Variants in TNFAIP8 observed in about 807,000 individuals in gnomAD.
The protein encoded by TNFAIP8 is tumor necrosis factor alpha-induced protein 8.
TNFAIP8 carries 7 observed loss-of-function variants against 13.3 expected under a neutral mutation model. The observed-to-expected ratio is 0.52, with a 90% CI of 0.30 to 0.99. The LOEUF is 0.99. Ranked by LOEUF, TNFAIP8 falls within the 50% of genes least tolerant of loss-of-function variation. The pLI, the probability that TNFAIP8 is intolerant of heterozygous loss-of-function variation, is 0.07. For synonymous variants in TNFAIP8, 94 were observed against 87.6 expected (o/e 1.07, Z -0.41); for missense variants, 258 against 236.9 (o/e 1.09, Z -0.58).
At chr5:119,301,033 A>G (rs1274174952) in intron 1 of TNFAIP8, among the ~76,000 whole-genome samples, 1 of 152,190 alleles carries the variant, frequency 6.6e-6, no homozygotes, top group African/African-American at 2.4e-5. Flanking sequence ...GTTGTTTGCA[A>G]TTCAGAATTC....
chr5:119,306,787 T>G (rs113542608), intron 1 of TNFAIP8, among the ~76,000 whole-genome samples: 10 of 152,300 alleles, frequency 6.6e-5, no homozygotes, highest in East Asian at 3.9e-4. Flanking sequence ...TTGGTTGGTT[T>G]GTTTCAGAAG....
chr5:119,379,057 T>G (rs1752387892), intron 1 of TNFAIP8, among the ~76,000 whole-genome samples: 1 of 152,212 alleles, frequency 6.6e-6, no homozygotes, highest in Non-Finnish European at 1.5e-5. Context: ...AGTGAGACAT[T>G]GTCTTTTAAA....
At chr5:119,361,632 C>G (rs1751640243) in intron 1 of TNFAIP8, among the ~76,000 whole-genome samples, 1 of 152,318 alleles carries the variant, frequency 6.6e-6, no homozygotes, top group South Asian at 2.1e-4. Flanking sequence ...CCTGAAGCCT[C>G]CAGACCACAT....
rs577201926 is a variant in TNFAIP8 at position 119,317,029 on chromosome 5, A to G, written c.1+48122A>G. On this transcript the variant is annotated intron_variant, in intron 1 of 1. Transcript: ENST00000274456. ...GGCTGAAGAAATGCCAGAGCAATGT[A>G]TATGCCTGTTGTGAGGAAATAATAG... Among the ~76,000 whole-genome samples the G allele has an allele frequency of 2.0e-5, 3 of 152,368 alleles. No individual in the cohort carries two copies. In the East Asian group the frequency reaches 5.8e-4, roughly 29 times the overall value.
intron 1 of TNFAIP8, among the ~76,000 whole-genome samples, chr5:119,332,642 C>T (rs1268158576): frequency 6.6e-6 from 1 of 152,064 alleles, no homozygotes; most frequent in African/African-American, 2.4e-5. Flanking sequence ...GCAGTAGGGG[C>T]TAAAGGAAGA....
intron 1 of TNFAIP8, among the ~76,000 whole-genome samples, chr5:119,317,619 G>C (rs948709232): frequency 6.7e-6 from 1 of 149,966 alleles, no homozygotes; most frequent in Admixed American, 6.6e-5. Flanking sequence ...TATTATTTGA[G>C]ATGGAGTCTC....
At chr5:119,296,491 G>A (rs1034591593) in intron 1 of TNFAIP8, among the ~76,000 whole-genome samples, 1 of 152,050 alleles carries the variant, frequency 6.6e-6, no homozygotes, top group Admixed American at 6.6e-5. Flanking sequence ...TGATCTTGGT[G>A]GATAAGCTTT....
In TNFAIP8 at chr5:119,341,782, T is replaced by C. The variant is rs146284422; in HGVS notation, c.2-51034T>C. ...ATGGAAATCTCAATCAAAACAGTTCTGAGTATTTTACATCATTTAAAAAAA... is the reference window on the plus strand; with the variant it reads ...ATGGAAATCTCAATCAAAACAGTTCCGAGTATTTTACATCATTTAAAAAAA... On this transcript the variant is annotated intron_variant, in intron 1 of 1. Coordinates refer to the TNFAIP8 transcript ENST00000274456. Among the ~76,000 whole-genome samples the C allele has an allele frequency of 1.1e-4, 16 of 152,324 alleles. No homozygotes were observed. In the East Asian group the frequency reaches 2.9e-3, roughly 28 times the overall value.
chr5:119,398,691 AAAG>A lies in TNFAIP8; in HGVS notation c.*5313_*5315del, dbSNP rs1753127957. On this transcript the variant is annotated 3_prime_UTR_variant, in exon 2 of 2. Coordinates refer to ENST00000504771, the MANE Select transcript of TNFAIP8 (RefSeq NM_014350.4). ...GTGAGACTTTGTCTCAAAAAAAAAA[AAAG>A]AAACTCTGTCTCGAAGTAAATAAAT... 1 of 152,158 alleles carries A rather than the reference AAAG, an allele frequency of 6.6e-6. No individual in the cohort carries two copies. The highest frequency in any genetic ancestry group is 6.5e-5 in the Admixed American group (1 of 15,280). 9.4% of individuals were successfully genotyped at this position (152,158 alleles called of 1,614,324 possible).
At chr5:119,320,981 C>G (rs1750036885) in intron 1 of TNFAIP8, among the ~76,000 whole-genome samples, 1 of 152,146 alleles carries the variant, frequency 6.6e-6, no homozygotes, top group African/African-American at 2.4e-5. Flanking sequence ...CTCCGGGAGG[C>G]CGAGGTGGGC....
intron 1 of TNFAIP8, among the ~76,000 whole-genome samples, chr5:119,330,935 C>T (rs1750357308): frequency 1.3e-5 from 2 of 152,132 alleles, no homozygotes; most frequent in African/African-American, 4.8e-5. Flanking sequence ...TGCGCTTCTG[C>T]TGCAGAGTTG....
At chr5:119,329,521 C>T (rs777588173) in intron 1 of TNFAIP8, among the ~76,000 whole-genome samples, 2 of 152,138 alleles carry the variant, frequency 1.3e-5, no homozygotes, top group African/African-American at 4.8e-5. Context: ...GGTGTTCTTC[C>T]TATTTTCCAC....
intron 1 of TNFAIP8, among the ~76,000 whole-genome samples, chr5:119,317,419 T>C (rs1183987886): frequency 6.6e-6 from 1 of 152,076 alleles, no homozygotes; most frequent in Non-Finnish European, 1.5e-5. Context: ...CTATGTGCTG[T>C]AGAGACTTTT....
chr5:119,279,610 G>A (rs954190164), intron 1 of TNFAIP8, among the ~76,000 whole-genome samples: 3 of 151,988 alleles, frequency 2.0e-5, no homozygotes, highest in Non-Finnish European at 4.4e-5. Context: ...TTGCTCTGTT[G>A]CCCAGGCTGG....
chr5:119,367,019 T>A (rs1230437066), intron 1 of TNFAIP8, among the ~76,000 whole-genome samples: 6 of 152,156 alleles, frequency 3.9e-5, no homozygotes, highest in Admixed American at 3.9e-4. Context: ...TAAGGGTTAA[T>A]CGGGTAAATT....
chr5:119,324,312 A>AAAG lies in TNFAIP8; in HGVS notation c.1+55412_1+55414dup, dbSNP rs1427892117. The stretch of plus-strand genomic sequence containing the variant: ...AAAAAAAAAAAAAAAAAAAAAAAAA[A>AAAG]AAGAAGAAGTTCCAAGTTCAACATT... On this transcript the variant is annotated intron_variant, in intron 1 of 1. Transcript: ENST00000274456. 9.6e-4 allele frequency among the ~76,000 whole-genome samples: 118 copies of AAAG among 122,356 alleles called. 2 individuals carry two copies. Among genetic ancestry groups the AAAG allele is most frequent in the African/African-American group, 3.7e-3 (105 of 28,216 alleles). 80.3% of individuals were successfully genotyped at this position (122,356 alleles called of 152,430 possible). A position where few individuals can be genotyped will look rare whatever the true frequency, so the allele number is the denominator to read the frequency against.
chr5:119,302,935 C>T lies in TNFAIP8; in HGVS notation c.1+34028C>T, dbSNP rs145934777. Among the ~76,000 whole-genome samples the T allele has an allele frequency of 7.9e-4, 121 of 152,276 alleles. 1 individual carries two copies. Among genetic ancestry groups the T allele is most frequent in the African/African-American group, 2.9e-3 (119 of 41,550 alleles). On this transcript the variant is annotated intron_variant, in intron 1 of 1. Coordinates refer to the TNFAIP8 transcript ENST00000274456. Reference sequence around the variant, plus strand: ...GGAGACATTATTGCGAATTGTTACGCAGTCAGCCATTAGAAGTACAATTTC... The same window carrying T: ...GGAGACATTATTGCGAATTGTTACGTAGTCAGCCATTAGAAGTACAATTTC...
At chr5:119,271,050 C>G (rs756062515) in intron 1 of TNFAIP8, among the ~76,000 whole-genome samples, 14 of 152,152 alleles carry the variant, frequency 9.2e-5, no homozygotes, top group Non-Finnish European at 1.9e-4. Context: ...TAGACATAGT[C>G]TTTGTTTACG....
chr5:119,374,197 T>G (rs906800252), intron 1 of TNFAIP8, among the ~76,000 whole-genome samples: 3 of 152,038 alleles, frequency 2.0e-5, no homozygotes, highest in Non-Finnish European at 4.4e-5. Context: ...TTTGGATTTT[T>G]TTTTTCAGAT....
Sources: gnomAD v4.1 joint callset for allele counts (sites outside exome capture counted in the v4.1 genomes callset) on GRCh38, gnomAD v4.1.1 for gene constraint, MANE v1.5 for transcripts, NCBI Gene and HGNC (gene_info 2026-07-23, HGNC 2026-07-21) for gene names.